The following TOM1L2 variants were observed in gnomAD, a reference collection of about 807,000 sequenced individuals.
TOM1L2 encodes target of myb1 like 2 membrane trafficking protein.
A neutral mutation model predicts 67.9 loss-of-function variants in TOM1L2; 31 were observed. That is an observed-to-expected ratio of 0.46 (90% CI 0.34 to 0.62). The LOEUF (loss-of-function observed/expected upper bound fraction) is 0.62, where lower values mean the gene tolerates loss of function less well. Among genes scored for constraint, TOM1L2 ranks in the 20% least tolerant of loss-of-function variants. TOM1L2 has a pLI of 0.01. For missense variants in TOM1L2, 606 were observed against 663.5 expected (o/e 0.91, Z 0.95); for synonymous variants, 256 against 254.0 (o/e 1.01, Z -0.07).
At chr17:17,888,262 G>A (rs1313784866) in intron 4 of TOM1L2, among the ~76,000 whole-genome samples, 1 of 152,158 alleles carries the variant, frequency 6.6e-6, no homozygotes, top group South Asian at 2.1e-4. Context: ...CCCAGAGGAA[G>A]GTCTAATGAG....
chr17:17,946,513 C>A (rs1308329254), intron 1 of TOM1L2, among the ~76,000 whole-genome samples: 4 of 151,960 alleles, frequency 2.6e-5, no homozygotes, highest in Non-Finnish European at 4.4e-5. Context: ...ATATTTTTAC[C>A]CAATTCTATT....
intron 1 of TOM1L2, among the ~76,000 whole-genome samples, chr17:17,928,390 T>C (rs1056507182): frequency 6.6e-6 from 1 of 152,196 alleles, no homozygotes; most frequent in Admixed American, 6.5e-5. Flanking sequence ...GCCTAGTCGC[T>C]AAGTGGAAAT....
chr17:17,905,974 G>A (rs2039078180), intron 2 of TOM1L2, among the ~76,000 whole-genome samples: 1 of 151,974 alleles, frequency 6.6e-6, no homozygotes, highest in Non-Finnish European at 1.5e-5. Flanking sequence ...AAACACATCA[G>A]ACACCCTCTG....
chr17:17,864,719 T>G (rs2036752643), intron 10 of TOM1L2, among the ~76,000 whole-genome samples: 1 of 151,768 alleles, frequency 6.6e-6, no homozygotes, highest in Non-Finnish European at 1.5e-5. Flanking sequence ...GCCATGTTGG[T>G]TAGGCTGGTC....
Position 17,922,146 on chromosome 17 carries a change from G to A in TOM1L2, c.53-14615C>T, listed in dbSNP as rs895259604. On this transcript the variant is annotated intron_variant, in intron 1 of 14. Coordinates refer to ENST00000379504, the MANE Select transcript of TOM1L2 (RefSeq NM_001082968.2). ...AAGCACTCCCCAGGAAAGACCTGCA[G>A]CCAGCCATCCAGGACACAGGGCACA... 2.0e-5 allele frequency among the ~76,000 whole-genome samples: 3 copies of A among 152,338 alleles called. No homozygotes were observed. The South Asian group carries it at 6.2e-4, about 32-fold the overall frequency.
chr17:17,871,186 C>T lies in TOM1L2; in HGVS notation c.778-1713G>A, dbSNP rs140171445. Among the ~76,000 whole-genome samples, 835 of 151,408 alleles carry T rather than the reference C, an allele frequency of 5.5e-3. 9 individuals carry two copies. Among genetic ancestry groups the T allele is most frequent in the East Asian group, 0.02 (104 of 5,162 alleles). On this transcript the variant is annotated intron_variant, in intron 7 of 14. Coordinates refer to ENST00000379504, the MANE Select transcript of TOM1L2 (RefSeq NM_001082968.2). ...GAGATCGAGACCATCCTGGCTAATA[C>T]GGTGAAACCCCGTCTCTACTAAAAA...
intron 1 of TOM1L2, among the ~76,000 whole-genome samples, chr17:17,961,360 A>G (rs1381937589): frequency 6.6e-6 from 1 of 152,018 alleles, no homozygotes; most frequent in Non-Finnish European, 1.5e-5. Context: ...GAAGTCCAGG[A>G]GTTTAAGACT....
chr17:17,876,624 C>G (rs2037436723), intron 7 of TOM1L2, among the ~76,000 whole-genome samples: 1 of 152,318 alleles, frequency 6.6e-6, no homozygotes, highest in African/African-American at 2.4e-5. Context: ...CTTGCCTAAG[C>G]CCAGCCCTGC....
At chr17:17,909,625 T>C (rs1442322189) in intron 1 of TOM1L2, among the ~76,000 whole-genome samples, 1 of 152,044 alleles carries the variant, frequency 6.6e-6, no homozygotes, top group African/African-American at 2.4e-5. Flanking sequence ...GAGTTATTGT[T>C]TAATGAACAC....
chr17:17,872,027 G>C (rs1233244661), intron 7 of TOM1L2: 1 of 985,350 alleles, frequency 1.0e-6, no homozygotes, highest in South Asian at 4.7e-5. Flanking sequence ...TCAAAAAGCT[G>C]CCTGGGCCTT....
At position 17,944,034 on chromosome 17, in the gene TOM1L2, G is replaced by A. The variant is rs116174842; in HGVS notation, c.52+28228C>T. Among the ~76,000 whole-genome samples the A allele has an allele frequency of 1.8e-3, 281 of 152,324 alleles. 1 individual carries two copies. Among genetic ancestry groups the A allele is most frequent in the African/African-American group, 6.4e-3 (265 of 41,566 alleles). On this transcript the variant is annotated intron_variant, in intron 1 of 14. Transcript: ENST00000379504. ...CTCAGTGCATGCTGCTACATTATCAGAGCACCCCCACACTGCACTTGAGGG... is the reference window on the plus strand; with the variant it reads ...CTCAGTGCATGCTGCTACATTATCAAAGCACCCCCACACTGCACTTGAGGG...
chr17:17,891,566 T>C (rs2038274941), intron 4 of TOM1L2, among the ~76,000 whole-genome samples: 1 of 152,180 alleles, frequency 6.6e-6, no homozygotes, highest in Non-Finnish European at 1.5e-5. Flanking sequence ...GTGATAACTG[T>C]GCTTGCCATG....
chr17:17,909,204 C>CA (rs1264005148), intron 1 of TOM1L2, among the ~76,000 whole-genome samples: 1 of 151,952 alleles, frequency 6.6e-6, no homozygotes, highest in African/African-American at 2.4e-5. Flanking sequence ...AACAAACAAA[C>CA]AAAAAACATA....
chr17:17,923,896 G>A (rs369767690), intron 1 of TOM1L2, among the ~76,000 whole-genome samples: 5 of 152,120 alleles, frequency 3.3e-5, no homozygotes, highest in African/African-American at 1.2e-4. Context: ...TCAGCACTTT[G>A]GGAGGTCGAG....
chr17:17,857,469 T>C (rs1221075716), intron 12 of TOM1L2, among the ~76,000 whole-genome samples: 3 of 152,274 alleles, frequency 2.0e-5, no homozygotes, highest in East Asian at 3.9e-4. Flanking sequence ...GAAAAGTGAA[T>C]ACTGCTCGGA....
rs369310259 is a variant in TOM1L2, at chr17:17,869,378, C to T, written c.873G>A (p.Val291=). The T allele has an allele frequency of 8.7e-6, 14 of 1,612,564 alleles. No homozygotes were observed. In the African/African-American group the frequency reaches 1.7e-4, roughly 20 times the overall value. ...NEEVTEELLH[V]NDDLNNVFLR... ...GGAAGACGTTGTTGAGGTCATCGTT[C>T]ACATGCAGCAGCTCCTCGGTGACCT... The change falls in exon 8 of 15, where the codon GTG becomes GTA. Residue 291 remains valine, a synonymous_variant. Coordinates refer to ENST00000379504, the MANE Select transcript of TOM1L2 (RefSeq NM_001082968.2).
intron 10 of TOM1L2, among the ~76,000 whole-genome samples, chr17:17,865,959 C>T (rs1183077787): frequency 6.6e-6 from 1 of 151,824 alleles, no homozygotes; most frequent in African/African-American, 2.4e-5. Flanking sequence ...TCAGGCTGGT[C>T]TCAAACTCCT....
chr17:17,939,600 G>C (rs895084068), intron 1 of TOM1L2, among the ~76,000 whole-genome samples: 1 of 152,092 alleles, frequency 6.6e-6, no homozygotes, highest in Non-Finnish European at 1.5e-5. Context: ...AATCTAATAG[G>C]TCATGAGTTG....
At position 17,882,723 on chromosome 17, in the gene TOM1L2, G is replaced by A; in HGVS notation, c.642C>T (p.Ile214=). Residue 214 remains isoleucine (I), a synonymous_variant, in exon 6 of 15, where the codon ATC becomes ATT. Coordinates refer to ENST00000379504, the MANE Select transcript of TOM1L2 (RefSeq NM_001082968.2). The part of the protein sequence containing the change: ...QAPALSVTGP[I]TANSEQIARL... Reference sequence around the variant, plus strand: ...CAAGTACCTGTTCTGAATTGGCTGTGATGGGGCCAGTCACACTCAGAGCTG... The same window carrying A: ...CAAGTACCTGTTCTGAATTGGCTGTAATGGGGCCAGTCACACTCAGAGCTG... 2 of 1,614,202 alleles carry A rather than the reference G, an allele frequency of 1.2e-6. No individual in the cohort carries two copies. Among genetic ancestry groups the A allele is most frequent in the Non-Finnish European group, 1.7e-6 (2 of 1,180,032 alleles).
Sources: allele counts gnomAD v4.1 joint callset (sites outside exome capture counted in the v4.1 genomes callset), GRCh38; gene constraint gnomAD v4.1.1; transcripts MANE v1.5; gene names NCBI Gene and HGNC (gene_info 2026-07-23, HGNC 2026-07-21).